SPIDR: variants seen among roughly 807,000 people sequenced by gnomAD.
SPIDR encodes the protein scaffold protein involved in DNA repair, also known as DNA repair-scaffolding protein.
Under a neutral mutation model 104.6 loss-of-function variants are expected in SPIDR, and 93 were observed. The ratio of observed to expected loss-of-function variants is 0.89; its 90% CI spans 0.75 to 1.06. The LOEUF is 1.06. Among genes scored for constraint, SPIDR ranks in the 50% least tolerant of loss-of-function variants. The pLI is 0.00. For missense variants in SPIDR, 1,154 were observed against 1,111.2 expected (o/e 1.04, Z -0.55); for synonymous variants, 431 against 416.9 (o/e 1.03, Z -0.41).
intron 3 of SPIDR, among the ~76,000 whole-genome samples, chr8:47,285,945 G>GC (rs1295059848): frequency 6.6e-6 from 1 of 152,132 alleles, no homozygotes; most frequent in African/African-American, 2.4e-5. Flanking sequence ...ATTGGAATGA[G>GC]CCTTGATATC....
chr8:47,624,978 A>G (rs181111957), intron 10 of SPIDR, among the ~76,000 whole-genome samples: 1 of 152,350 alleles, frequency 6.6e-6, no homozygotes, highest in Admixed American at 6.5e-5. Context: ...CATTGATGCA[A>G]AAATCCTCAA....
At chr8:47,307,170 T>G (rs1177101054) in intron 5 of SPIDR, among the ~76,000 whole-genome samples, 6 of 152,280 alleles carry the variant, frequency 3.9e-5, no homozygotes, top group African/African-American at 9.6e-5. Flanking sequence ...CATTACTGTC[T>G]TCTTTTGTGT....
intron 11 of SPIDR, among the ~76,000 whole-genome samples, chr8:47,687,728 A>G (rs954519918): frequency 3.9e-5 from 6 of 152,166 alleles, no homozygotes; most frequent in Non-Finnish European, 8.8e-5. Flanking sequence ...GAGTGTTTCC[A>G]TGTTTTTCTT....
intron 5 of SPIDR, among the ~76,000 whole-genome samples, chr8:47,312,054 A>AT (rs1774668097): frequency 1.3e-5 from 2 of 152,208 alleles, no homozygotes; most frequent in African/African-American, 2.4e-5. Context: ...TGAACTCTTC[A>AT]TTTTTTATGG....
chr8:47,619,478 A>T (rs990876045), intron 10 of SPIDR, among the ~76,000 whole-genome samples: 6 of 152,062 alleles, frequency 3.9e-5, no homozygotes, highest in Non-Finnish European at 5.9e-5. Flanking sequence ...GCTCTCTCCT[A>T]TCTTGAGCTT....
In SPIDR at chr8:47,433,984, G is replaced by A. The variant is rs1173668853; in HGVS notation, c.878-6339G>A. ...GTCAGTAAAATAGGGCATAGAGTTC[G>A]TTAAAGATACTAAACTTCACAAGTA... is the stretch of plus-strand genomic sequence containing the variant. On this transcript the variant is annotated intron_variant, in intron 7 of 19. Transcript: ENST00000297423. Among the ~76,000 whole-genome samples, 6 of 152,290 alleles carry A rather than the reference G, an allele frequency of 3.9e-5. No individual in the cohort carries two copies. The East Asian group carries it at 7.7e-4, about 20-fold the overall frequency.
At position 47,509,824 on chromosome 8, in the gene SPIDR, C is replaced by T. The variant is rs1003559890; in HGVS notation, c.1097+69282C>T. 2.6e-5 allele frequency among the ~76,000 whole-genome samples: 4 copies of T among 152,088 alleles called. No individual in the cohort carries two copies. The South Asian group carries it at 8.3e-4, about 31-fold the overall frequency. Reference sequence around the variant, plus strand: ...TTACAACACAAATACCATGGTGGCACGTGGATGTGTGCATGCGTATAATAT... The same window carrying T: ...TTACAACACAAATACCATGGTGGCATGTGGATGTGTGCATGCGTATAATAT... On this transcript the variant is annotated intron_variant, in intron 8 of 19. Coordinates refer to ENST00000297423, the MANE Select transcript of SPIDR (RefSeq NM_001080394.4).
intron 9 of SPIDR, among the ~76,000 whole-genome samples, chr8:47,597,923 T>C (rs368916659): frequency 1.1e-4 from 16 of 152,254 alleles, no homozygotes; most frequent in African/African-American, 3.9e-4. Flanking sequence ...ACAGAATGCT[T>C]CCTGAGACTG....
intron 7 of SPIDR, among the ~76,000 whole-genome samples, chr8:47,436,224 A>G (rs573312595): frequency 6.6e-6 from 1 of 152,268 alleles, no homozygotes; most frequent in South Asian, 2.1e-4. Flanking sequence ...GAGTTAAAGT[A>G]TTTGGGGATT....
At chr8:47,583,983 C>T (rs182353262) in intron 8 of SPIDR, among the ~76,000 whole-genome samples, 12 of 152,294 alleles carry the variant, frequency 7.9e-5, no homozygotes, top group South Asian at 2.1e-4. Flanking sequence ...TCACCGTGTC[C>T]GCTGTGTCAC....
intron 7 of SPIDR, among the ~76,000 whole-genome samples, chr8:47,422,930 C>G (rs997535926): frequency 6.6e-6 from 1 of 152,068 alleles, no homozygotes; most frequent in Non-Finnish European, 1.5e-5. Context: ...TTGTTGGTGG[C>G]TTCTAGTACA....
chr8:47,381,524 G>A (rs79808096), intron 5 of SPIDR, among the ~76,000 whole-genome samples: 3,361 of 152,318 alleles, frequency 0.022, 98 homozygotes, highest in East Asian at 0.085. Context: ...GACTGTGCTC[G>A]TTTGTAGTGT....
chr8:47,421,623 CT>C (rs1247470476), intron 7 of SPIDR, among the ~76,000 whole-genome samples: 3 of 152,234 alleles, frequency 2.0e-5, no homozygotes, highest in Non-Finnish European at 4.4e-5. Flanking sequence ...GAAAGTCATT[CT>C]CCATCCAGCT....
chr8:47,339,036 G>A (rs112627566), intron 5 of SPIDR, among the ~76,000 whole-genome samples: 2,748 of 152,258 alleles, frequency 0.018, 82 homozygotes, highest in African/African-American at 0.064. Context: ...ATGAGCAAGA[G>A]GTCACTATTA....
intron 5 of SPIDR, among the ~76,000 whole-genome samples, chr8:47,323,587 G>A (rs942073976): frequency 3.3e-5 from 5 of 152,140 alleles, no homozygotes; most frequent in Admixed American, 2.6e-4. Context: ...GCCTTAAGCA[G>A]GTATTTAACT....
At chr8:47,547,107 A>T (rs1201760852) in intron 8 of SPIDR, 1 of 572,834 alleles carries the variant, frequency 1.7e-6, no homozygotes, top group South Asian at 1.6e-5. Context: ...TTCCAAATCA[A>T]TCTGAATGGG....
At chr8:47,710,023 A>G (rs930518761) in intron 14 of SPIDR, among the ~76,000 whole-genome samples, 2 of 151,958 alleles carry the variant, frequency 1.3e-5, no homozygotes, top group African/African-American at 4.8e-5. Context: ...AATTACAGGC[A>G]TGCACCATCA....
chr8:47,627,568 A>G (rs1588562187), intron 10 of SPIDR, among the ~76,000 whole-genome samples: 1 of 152,286 alleles, frequency 6.6e-6, no homozygotes, highest in Non-Finnish European at 1.5e-5. Context: ...TGTTTAAGAA[A>G]TTGCTCAGGA....
chr8:47,314,749 A>T (rs1302345563), intron 5 of SPIDR, among the ~76,000 whole-genome samples: 1 of 152,218 alleles, frequency 6.6e-6, no homozygotes, highest in African/African-American at 2.4e-5. Context: ...CCATATCAGG[A>T]TGTAAAGAAA....
Sources: allele counts gnomAD v4.1 joint callset (sites outside exome capture counted in the v4.1 genomes callset), GRCh38; gene constraint gnomAD v4.1.1; transcripts MANE v1.5; gene names NCBI Gene and HGNC (gene_info 2026-07-23, HGNC 2026-07-21).